CTNND2: variants seen among roughly 807,000 people sequenced by gnomAD.
The protein encoded by CTNND2 is catenin delta-2.
A neutral mutation model predicts 144.4 loss-of-function variants in CTNND2; 22 were observed. The ratio of observed to expected loss-of-function variants is 0.15; its 90% CI spans 0.11 to 0.22. The LOEUF is 0.22. Among genes scored for constraint, CTNND2 ranks in the 10% least tolerant of loss-of-function variants. The probability of loss-of-function intolerance (pLI) is 1.00; values close to 1 mark genes in which losing one functional copy is unlikely to be tolerated. For missense variants in CTNND2, 1,353 were observed against 1,618.8 expected (o/e 0.84, Z 2.82); for synonymous variants, 751 against 695.6 (o/e 1.08, Z -1.25).
At chr5:11,276,176 A>G (rs1746502789) in intron 9 of CTNND2, among the ~76,000 whole-genome samples, 1 of 152,206 alleles carries the variant, frequency 6.6e-6, no homozygotes. Context: ...CTGACATGAG[A>G]GGAGACAGGA....
At chr5:11,663,689 C>T (rs1178792841) in intron 2 of CTNND2, among the ~76,000 whole-genome samples, 1 of 151,982 alleles carries the variant, frequency 6.6e-6, no homozygotes, top group Admixed American at 6.6e-5. Context: ...AAAATGCTTT[C>T]CCAATACAAA....
At chr5:11,196,862 T>C (rs1736908831) in intron 11 of CTNND2, among the ~76,000 whole-genome samples, 1 of 152,210 alleles carries the variant, frequency 6.6e-6, no homozygotes, top group Admixed American at 6.5e-5. Flanking sequence ...CAAGGCTTGG[T>C]CAACAGAATC....
intron 12 of CTNND2, among the ~76,000 whole-genome samples, chr5:11,123,878 G>A (rs929243468): frequency 6.6e-6 from 1 of 152,176 alleles, no homozygotes; most frequent in Non-Finnish European, 1.5e-5. Flanking sequence ...TATAGACTCT[G>A]AACAACACTC....
intron 3 of CTNND2, among the ~76,000 whole-genome samples, chr5:11,530,393 C>G (rs1258340842): frequency 6.6e-6 from 1 of 152,164 alleles, no homozygotes; most frequent in Non-Finnish European, 1.5e-5. Flanking sequence ...CCAGCAAATG[C>G]AAAAGGTCTC....
rs372436562 is a variant in CTNND2 at position 11,854,447 on chromosome 5, A to C, written c.37+49370T>G. On this transcript the variant is annotated intron_variant, in intron 1 of 21. Coordinates refer to ENST00000304623, the MANE Select transcript of CTNND2 (RefSeq NM_001332.4). ...GCAGACACTTAAAATTACCTAACAC[A>C]GTAAATGTGGAAGCTTCTGATATTT... Among the ~76,000 whole-genome samples, 16 of 152,306 alleles carry C rather than the reference A, an allele frequency of 1.1e-4. No homozygotes were observed. The East Asian group carries it at 2.7e-3, about 26-fold the overall frequency.
At chr5:11,174,156 GT>G (rs757327842) in intron 11 of CTNND2, among the ~76,000 whole-genome samples, 4 of 152,176 alleles carry the variant, frequency 2.6e-5, no homozygotes, top group Non-Finnish European at 5.9e-5. Context: ...GCAGGAAGTT[GT>G]GGGCTCCAGT....
rs1328962922 is a variant in CTNND2, at chr5:10,988,771, G to C, written c.3212-529C>G. 6.6e-6 allele frequency among the ~76,000 whole-genome samples: 1 copy of C among 152,182 alleles called. No individual in the cohort carries two copies. The highest frequency in any genetic ancestry group is 1.5e-5 in the Non-Finnish European group (1 of 68,026). On this transcript the variant is annotated intron_variant, in intron 19 of 21. Transcript: ENST00000304623. This position sits in a 1 kb window ranked among gnomAD's most constrained non-coding sequence, Gnocchi z 5.9. ...GTCAGAGGAAACAGCTCTCTACACAGGATGATTTGTGGGGCAAAAATAACC... is the reference window on the plus strand; with the variant it reads ...GTCAGAGGAAACAGCTCTCTACACACGATGATTTGTGGGGCAAAAATAACC...
At chr5:10,981,680 T>G in intron 21 of CTNND2, 93 bp downstream of exon 21, 1 of 1,238,162 alleles carries the variant, frequency 8.1e-7, no homozygotes, top group Non-Finnish European at 1.2e-6. Context: ...CAGTTCTTTA[T>G]GTATGTTGGA....
intron 10 of CTNND2, among the ~76,000 whole-genome samples, chr5:11,234,569 G>A (rs959321800): frequency 1.3e-5 from 2 of 152,206 alleles, no homozygotes; most frequent in African/African-American, 4.8e-5. Flanking sequence ...GTTCACCACA[G>A]TGCACTGGGG....
At chr5:11,847,674 C>T (rs924429635) in intron 1 of CTNND2, among the ~76,000 whole-genome samples, 14 of 151,914 alleles carry the variant, frequency 9.2e-5, no homozygotes, top group African/African-American at 2.2e-4. Flanking sequence ...GTGTTGAATG[C>T]GATAATTACC....
intron 3 of CTNND2, among the ~76,000 whole-genome samples, chr5:11,461,634 G>A (rs578147538): frequency 3.9e-5 from 6 of 152,220 alleles, no homozygotes; most frequent in Non-Finnish European, 7.4e-5. Flanking sequence ...GTTGTAGCTC[G>A]AATGAGCAAG....
chr5:11,117,084 A>G (rs1246045818), intron 13 of CTNND2, among the ~76,000 whole-genome samples: 1 of 151,986 alleles, frequency 6.6e-6, no homozygotes, highest in Non-Finnish European at 1.5e-5. Context: ...ATAAAAAAAA[A>G]AAGCAGGTAG....
intron 1 of CTNND2, among the ~76,000 whole-genome samples, chr5:11,889,764 G>T (rs565212146): frequency 6.6e-6 from 1 of 152,254 alleles, no homozygotes; most frequent in Non-Finnish European, 1.5e-5. Flanking sequence ...GAAGTCACAA[G>T]AATTCACTTC....
At chr5:11,634,970 G>A (rs967958750) in intron 2 of CTNND2, among the ~76,000 whole-genome samples, 1 of 151,920 alleles carries the variant, frequency 6.6e-6, no homozygotes, top group Non-Finnish European at 1.5e-5. Context: ...AGAAGATATA[G>A]GCAATAGGTT....
chr5:11,787,198 C>A (rs1790882547), intron 1 of CTNND2, among the ~76,000 whole-genome samples: 1 of 152,172 alleles, frequency 6.6e-6, no homozygotes, highest in African/African-American at 2.4e-5. Context: ...TAAGCAATGG[C>A]AGCTTTACAT....
intron 3 of CTNND2, among the ~76,000 whole-genome samples, chr5:11,422,215 CT>C (rs919441400): frequency 2.8e-5 from 4 of 142,210 alleles, no homozygotes; most frequent in African/African-American, 8.5e-5. Flanking sequence ...TATTGTCTAC[CT>C]TTTTTTCCCC....
intron 9 of CTNND2, among the ~76,000 whole-genome samples, chr5:11,287,901 A>G (rs543654248): frequency 5.3e-5 from 8 of 152,248 alleles, no homozygotes; most frequent in Non-Finnish European, 1.2e-4. Context: ...CAGTTGATAC[A>G]ATAAATGCGA....
chr5:11,062,929 G>A (rs140940112), intron 16 of CTNND2, among the ~76,000 whole-genome samples: 31 of 152,336 alleles, frequency 2.0e-4, no homozygotes, highest in South Asian at 4.1e-4. Flanking sequence ...CTTAATGCCA[G>A]TGTCTGGGTT....
intron 12 of CTNND2, among the ~76,000 whole-genome samples, chr5:11,123,084 G>C (rs1754310901): frequency 6.6e-6 from 1 of 152,118 alleles, no homozygotes; most frequent in Non-Finnish European, 1.5e-5. Flanking sequence ...AGTTGCCAGG[G>C]CTCAATCCAA....
Sources: gnomAD v4.1 joint callset for allele counts (sites outside exome capture counted in the v4.1 genomes callset) on GRCh38, gnomAD v4.1.1 for gene constraint, Gnocchi (gnomAD v3.1) non-coding constraint, MANE v1.5 for transcripts, NCBI Gene and HGNC (gene_info 2026-07-23, HGNC 2026-07-21) for gene names.